The following NMT1 variants were observed in gnomAD, a reference collection of about 807,000 sequenced individuals.
The protein encoded by NMT1 is N-myristoyltransferase 1, also known as glycylpeptide N-tetradecanoyltransferase 1.
NMT1 carries 12 observed loss-of-function variants against 63.4 expected under a neutral mutation model. The ratio of observed to expected loss-of-function variants is 0.19; its 90% CI spans 0.12 to 0.31. The LOEUF is 0.31. NMT1 is among the 10% of genes least tolerant of loss of function. NMT1 has a pLI of 1.00. For missense variants in NMT1, 432 were observed against 634.6 expected, an observed-to-expected ratio of 0.68 and a Z score of 3.43; for synonymous variants, 228 against 234.3, an observed-to-expected ratio of 0.97 and a Z score of 0.25.
chr17:45,103,873 A>C lies in NMT1; in HGVS notation c.1329A>C (p.Lys443Asn). Residue 443 changes from lysine to asparagine, a missense_variant, in exon 10 of 12, where the codon AAA becomes AAC. Coordinates refer to ENST00000258960, the MANE Select transcript of NMT1 (RefSeq NM_021079.5). This position sits in a 1 kb window ranked among gnomAD's most constrained non-coding sequence, Gnocchi z 4.8. The stretch of plus-strand genomic sequence containing the variant: ...TGAGCGACGCCCTTGTCCTCGCCAA[A>C]ATGGTGAGGAGCAGACGGGGGGGTC... The part of the protein sequence containing the change: ...DLMSDALVLA[K>N]MKGFDVFNAL... The C allele has an allele frequency of 6.2e-7, 1 of 1,613,850 alleles. No individual in the cohort carries two copies. Among genetic ancestry groups the C allele is most frequent in the Non-Finnish European group, 8.5e-7 (1 of 1,179,986 alleles).
chr17:45,105,472 G>T lies in NMT1; in HGVS notation c.1471-147G>T, dbSNP rs1342897534. 6 of 824,384 alleles carry T rather than the reference G, an allele frequency of 7.3e-6. No homozygotes were observed. In the East Asian group the frequency reaches 1.5e-4, roughly 21 times the overall value. 51.1% of individuals were successfully genotyped at this position (824,384 alleles called of 1,614,324 possible). A position where few individuals can be genotyped will look rare whatever the true frequency, so the allele number is the denominator to read the frequency against. On this transcript the variant is annotated intron_variant, in intron 11 of 11. Coordinates refer to ENST00000258960, the MANE Select transcript of NMT1 (RefSeq NM_021079.5). The surrounding 1 kb of genome is among the most constrained non-coding windows in gnomAD (Gnocchi z 4.2). ...GTGTGAACCCTGGTGTGGAGGTTGA[G>T]TGTGGGGCCGGCTGGGTGTGAGTCT...
intron 1 of NMT1, among the ~76,000 whole-genome samples, chr17:45,072,586 GTCTC>G (rs1224405222): frequency 1.6e-5 from 2 of 122,734 alleles, no homozygotes; most frequent in Non-Finnish European, 3.4e-5. Flanking sequence ...TTGAGATGGA[GTCTC>G]TCTCTCTTGC....
In NMT1 at chr17:45,061,467, A is replaced by G; in HGVS notation, c.131+7A>G. Reference sequence around the variant, plus strand: ...ACAACAGCTACAACCGGGGGTAACGAAATCCTCGGAGTCCAATTCCCGTCC... The same window carrying G: ...ACAACAGCTACAACCGGGGGTAACGGAATCCTCGGAGTCCAATTCCCGTCC... On this transcript the variant is annotated splice_region_variant and intron_variant, in intron 1 of 11. Coordinates refer to ENST00000258960, the MANE Select transcript of NMT1 (RefSeq NM_021079.5). 2 of 1,611,184 alleles carry G rather than the reference A, an allele frequency of 1.2e-6. No individual in the cohort carries two copies. Among genetic ancestry groups the G allele is most frequent in the Non-Finnish European group, 1.7e-6 (2 of 1,178,742 alleles).
In NMT1 at chr17:45,100,163, AC is replaced by A. The variant is rs1340993632; in HGVS notation, c.993+651del. The stretch of plus-strand genomic sequence containing the variant: ...GAGTGCAGTGGCACAGTCACAGCTC[AC>A]TGCAGCCTCGACCTCCCAGACTCAA... On this transcript the variant is annotated intron_variant, in intron 8 of 11. Transcript: ENST00000258960. Among the ~76,000 whole-genome samples the A allele has an allele frequency of 2.0e-5, 3 of 152,044 alleles. No individual in the cohort carries two copies. The East Asian group carries it at 5.8e-4, about 29-fold the overall frequency.
chr17:45,066,347 GCC>G (rs893953854), intron 1 of NMT1, among the ~76,000 whole-genome samples: 6 of 151,992 alleles, frequency 3.9e-5, no homozygotes, highest in Non-Finnish European at 8.8e-5. Flanking sequence ...GAGCCACCAC[GCC>G]CGGCCAGTTG....
intron 8 of NMT1, 122 bp downstream of exon 8, chr17:45,099,635 C>A: frequency 1.5e-6 from 1 of 679,334 alleles, no homozygotes. Context: ...AGCGAACCAG[C>A]CCATAGTCTT....
chr17:45,101,324 G>A (rs1351467234), intron 8 of NMT1, among the ~76,000 whole-genome samples: 2 of 148,264 alleles, frequency 1.3e-5, no homozygotes, highest in Non-Finnish European at 3.0e-5. Flanking sequence ...ATCCCAGTAG[G>A]GATTCTTAAA....
At chr17:45,091,889 C>T (rs1240074675) in intron 3 of NMT1, among the ~76,000 whole-genome samples, 4 of 152,040 alleles carry the variant, frequency 2.6e-5, no homozygotes, top group East Asian at 3.9e-4. Flanking sequence ...GGCGTAGTGG[C>T]GCATGCCTAT....
chr17:45,105,706 T>C lies in NMT1; in HGVS notation c.*67T>C. The C allele has an allele frequency of 6.7e-7, 1 of 1,502,738 alleles. No homozygotes were observed. Among genetic ancestry groups the C allele is most frequent in the Non-Finnish European group, 9.2e-7 (1 of 1,084,322 alleles). 93.1% of individuals were successfully genotyped at this position (1,502,738 alleles called of 1,614,324 possible). ...GAACCAGGAAATGGAACCCCACCAC[T>C]GTTGGTCCAATTTTCACACACGTGA... On this transcript the variant is annotated 3_prime_UTR_variant, in exon 12 of 12. Coordinates refer to ENST00000258960, the MANE Select transcript of NMT1 (RefSeq NM_021079.5). This position sits in a 1 kb window ranked among gnomAD's most constrained non-coding sequence, Gnocchi z 4.2.
At chr17:45,101,251 C>T (rs888090205) in intron 8 of NMT1, among the ~76,000 whole-genome samples, 3 of 151,170 alleles carry the variant, frequency 2.0e-5, no homozygotes, top group Admixed American at 2.0e-4. Context: ...TTCCTGGGCT[C>T]AAGTGATCCA....
At chr17:45,091,474 G>C (rs1042522850) in intron 3 of NMT1, among the ~76,000 whole-genome samples, 7 of 152,120 alleles carry the variant, frequency 4.6e-5, no homozygotes, top group African/African-American at 1.7e-4. Flanking sequence ...AGAAGATTTA[G>C]CCTTGAGGTT....
At chr17:45,085,709 G>A (rs146713358) in intron 2 of NMT1, among the ~76,000 whole-genome samples, 161 of 152,206 alleles carry the variant, frequency 1.1e-3, no homozygotes, top group African/African-American at 3.7e-3. Context: ...CCTGCGGGCA[G>A]CACCCACCCA....
intron 1 of NMT1, among the ~76,000 whole-genome samples, chr17:45,077,148 AGTT>A (rs1314953250): frequency 1.3e-5 from 2 of 152,192 alleles, no homozygotes; most frequent in Non-Finnish European, 2.9e-5. Context: ...GTAAGTATCC[AGTT>A]GGTTAATCTA....
chr17:45,062,567 T>A (rs1380228840), intron 1 of NMT1, among the ~76,000 whole-genome samples: 1 of 152,218 alleles, frequency 6.6e-6, no homozygotes, highest in Non-Finnish European at 1.5e-5. Flanking sequence ...CATATTTTTA[T>A]TGTATCCTTT....
rs1378878097 is a variant in NMT1 at position 45,099,498 on chromosome 17, C to G, written c.978C>G (p.Leu326=). 2.5e-6 allele frequency: 4 copies of G among 1,613,602 alleles called. No individual in the cohort carries two copies. Among genetic ancestry groups the G allele is most frequent in the Non-Finnish European group, 3.4e-6 (4 of 1,179,512 alleles). ...RNMTMQRTMK[L]YRLPETPKTA... is the part of the protein sequence containing the mutation. ...TGACCATGCAGCGCACCATGAAGCT[C>G]TACCGACTGCCAGAGGCCAGTGCTG... is the stretch of plus-strand genomic sequence containing the variant. The change falls in exon 8 of 12, where the codon CTC becomes CTG. Residue 326 remains leucine (L), a synonymous_variant. Coordinates refer to ENST00000258960, the MANE Select transcript of NMT1 (RefSeq NM_021079.5).
intron 1 of NMT1, among the ~76,000 whole-genome samples, chr17:45,069,161 A>G (rs1474610610): frequency 2.0e-5 from 3 of 149,764 alleles, no homozygotes; most frequent in Non-Finnish European, 4.4e-5. Context: ...GGGTTTCACC[A>G]TCTTGGCCAG....
At chr17:45,078,098 G>GGC (rs2053989083) in intron 1 of NMT1, among the ~76,000 whole-genome samples, 2 of 152,128 alleles carry the variant, frequency 1.3e-5, no homozygotes, top group Admixed American at 1.3e-4. Context: ...CTGCATCAGG[G>GGC]GCACTGAGAG....
intron 1 of NMT1, chr17:45,061,782 A>G (rs1051336001): frequency 8.0e-5 from 18 of 224,452 alleles, no homozygotes; most frequent in Admixed American, 7.8e-4. Context: ...CAGTCTAGTA[A>G]CAGTACAGTT....
At position 45,104,622 on chromosome 17, in the gene NMT1, G is replaced by A. The variant is rs1450948217; in HGVS notation, c.1333-237G>A. On this transcript the variant is annotated intron_variant, in intron 10 of 11. Coordinates refer to ENST00000258960, the MANE Select transcript of NMT1 (RefSeq NM_021079.5). The surrounding 1 kb of genome is among the most constrained non-coding windows in gnomAD (Gnocchi z 4.2). The stretch of plus-strand genomic sequence containing the variant: ...TAGCAAGAGCCCCGGCCTGGACACT[G>A]AGTACATATGTGTACACTCTGAGGG... 2 of 1,326,262 alleles carry A rather than the reference G, an allele frequency of 1.5e-6. No homozygotes were observed. Among genetic ancestry groups the A allele is most frequent in the African/African-American group, 2.9e-5 (2 of 68,090 alleles). The allele number at this position is 1,326,262 out of a possible 1,614,324, so 82.2% of individuals were successfully genotyped here.
Sources: gnomAD v4.1 joint callset for allele counts (sites outside exome capture counted in the v4.1 genomes callset) on GRCh38, gnomAD v4.1.1 for gene constraint, Gnocchi (gnomAD v3.1) non-coding constraint, MANE v1.5 for transcripts, NCBI Gene and HGNC (gene_info 2026-07-23, HGNC 2026-07-21) for gene names.